The following POTEI variants were observed in gnomAD, a reference collection of about 807,000 sequenced individuals.
The protein encoded by POTEI is POTE ankyrin domain family, member I.
POTEI carries 14 observed loss-of-function variants against 43.4 expected under a neutral mutation model. The observed-to-expected ratio is 0.32, with a 90% confidence interval of 0.21 to 0.50. POTEI has a LOEUF of 0.50. POTEI is among the 20% of genes least tolerant of loss of function. The pLI is 0.98. For synonymous variants in POTEI, 95 were observed against 297.9 expected, an observed-to-expected ratio of 0.32 and a Z score of 7.01; for missense variants, 235 against 795.4, an observed-to-expected ratio of 0.30 and a Z score of 8.47.
At chr2:130,479,951 G>T (rs1324729958) in intron 10 of POTEI, among the ~76,000 whole-genome samples, 3 of 35,406 alleles carry the variant, frequency 8.5e-5, no homozygotes, top group Non-Finnish European at 1.6e-4. Context: ...CCCAGTGCCT[G>T]GTTTGGGAAT....
At chr2:130,493,091 GA>G (rs1263044824) in intron 6 of POTEI, among the ~76,000 whole-genome samples, 645 of 104,772 alleles carry the variant, frequency 6.2e-3, no homozygotes, top group African/African-American at 0.019. Flanking sequence ...TGCAAGCGGG[GA>G]AAAAATCAAA....
intron 11 of POTEI, among the ~76,000 whole-genome samples, chr2:130,476,405 C>G: frequency 2.7e-5 from 1 of 36,484 alleles, no homozygotes; most frequent in Non-Finnish European, 5.0e-5. Context: ...ACCATGTTAG[C>G]CAGGATGGTC....
In POTEI at chr2:130,461,545, G is replaced by A. The variant is rs982575825; in HGVS notation, c.*1271C>T. 1.3e-5 allele frequency: 2 copies of A among 152,240 alleles called. No individual in the cohort carries two copies. Among genetic ancestry groups the A allele is most frequent in the Non-Finnish European group, 2.9e-5 (2 of 68,054 alleles). The allele number at this position is 152,240 out of a possible 1,614,324, so 9.4% of individuals were successfully genotyped here. On this transcript the variant is annotated 3_prime_UTR_variant, in exon 15 of 15. Transcript: ENST00000451531. ...AGCTTGGGCTCTCCAAAGCCCGCAG[G>A]CCAGAATGGCTAGTCACCGAAAGAG...
rs185369604 is a variant in POTEI at position 130,478,880 on chromosome 2, G to T, written c.1481-2179C>A. Among the ~76,000 whole-genome samples, 19 of 36,446 alleles carry T rather than the reference G, an allele frequency of 5.2e-4. No homozygotes were observed. The East Asian group carries it at 0.12, about 232-fold the overall frequency. 23.9% of individuals were successfully genotyped at this position (36,446 alleles called of 152,430 possible). On this transcript the variant is annotated intron_variant, in intron 10 of 14. Coordinates refer to ENST00000451531, the MANE Select transcript of POTEI (RefSeq NM_001277406.2). ...TGGATCTTTGACAAGTCTTATTACT[G>T]AGAATCAAACTAGTAGGATGTGAGT...
chr2:130,479,165 C>T (rs1464508177), intron 10 of POTEI, among the ~76,000 whole-genome samples: 1 of 143,890 alleles, frequency 6.9e-6, no homozygotes, highest in East Asian at 2.1e-4. Flanking sequence ...GACTATACCT[C>T]TCTTCTGCCT....
chr2:130,497,735 T>G (rs1398803945), intron 5 of POTEI: 1 of 48,828 alleles, frequency 2.0e-5, no homozygotes, highest in South Asian at 2.1e-3. Context: ...GACCTTCCAG[T>G]GACTGCACAA....
rs1195598014 is a variant in POTEI at position 130,463,609 on chromosome 2, G to T, written c.2435C>A (p.Pro812His). 1.2e-6 allele frequency: 2 copies of T among 1,605,692 alleles called. No individual in the cohort carries two copies. The highest frequency in any genetic ancestry group is 8.5e-7 in the Non-Finnish European group (1 of 1,179,098). Residue 812 changes from proline (P) to histidine (H), a missense_variant, in exon 15 of 15, where the codon CCC (proline) becomes CAC (histidine). Pro to His is a moderately conservative substitution (Grantham distance 77, BLOSUM62 -2). Coordinates refer to ENST00000451531, the MANE Select transcript of POTEI (RefSeq NM_001277406.2). ...GGTCATCTTCTCGCGGTTGGCCTTG[G>T]GGTTCAGGGGGGCCTCGGTCAGCAG... ...PILLTEAPLN[P>H]KANREKMTQI...
At chr2:130,479,163 C>T (rs1427105593) in intron 10 of POTEI, among the ~76,000 whole-genome samples, 1 of 143,090 alleles carries the variant, frequency 7.0e-6, no homozygotes, top group Non-Finnish European at 1.5e-5. Context: ...TTGACTATAC[C>T]TCTCTTCTGC....
intron 9 of POTEI, among the ~76,000 whole-genome samples, chr2:130,482,753 A>G (rs958587130): frequency 2.7e-5 from 4 of 147,140 alleles, no homozygotes; most frequent in Admixed American, 6.8e-5. Context: ...TCATTAAAGT[A>G]GATAATGTGA....
In POTEI at chr2:130,481,801, T is replaced by G. The variant is rs1573922521; in HGVS notation, c.1480+202A>C. Among the ~76,000 whole-genome samples, 2 of 4,296 alleles carry G rather than the reference T, an allele frequency of 4.7e-4. 1 individual carries two copies. The highest frequency in any genetic ancestry group is 5.0e-4 in the African/African-American group (2 of 3,990). The allele number at this position is 4,296 out of a possible 152,430, so 2.8% of individuals were successfully genotyped here. ...AGCTTCCACTGATTCTACATTATGG[T>G]AAGTCGTATAATTATTTTATTATAT... On this transcript the variant is annotated intron_variant, in intron 10 of 14. Transcript: ENST00000451531.
Position 130,461,848 on chromosome 2 carries a change from C to A in POTEI, c.*968G>T, listed in dbSNP as rs1374154265. On this transcript the variant is annotated 3_prime_UTR_variant, in exon 15 of 15. Coordinates refer to ENST00000451531, the MANE Select transcript of POTEI (RefSeq NM_001277406.2). ...TAAGTTGCCTGAACGGGAAAGATGG[C>A]GGCCTGCCCCGTCTTTTCTCTCAGA... 1 of 151,830 alleles carries A rather than the reference C, an allele frequency of 6.6e-6. No individual in the cohort carries two copies. Among genetic ancestry groups the A allele is most frequent in the Non-Finnish European group, 1.5e-5 (1 of 67,984 alleles). The allele number at this position is 151,830 out of a possible 1,614,324, so 9.4% of individuals were successfully genotyped here.
At chr2:130,496,906 T>A (rs1251598039) in intron 5 of POTEI, among the ~76,000 whole-genome samples, 1 of 67,796 alleles carries the variant, frequency 1.5e-5, no homozygotes, top group African/African-American at 3.9e-5. Context: ...TCTGCATAAG[T>A]CCTAGCTCCA....
In POTEI at chr2:130,509,008, G is replaced by A; in HGVS notation, c.228C>T (p.Gly76=). The A allele has an allele frequency of 1.3e-6, 2 of 1,518,562 alleles. No homozygotes were observed. Among genetic ancestry groups the A allele is most frequent in the African/African-American group, 1.4e-5 (1 of 70,000 alleles). 94.1% of individuals were successfully genotyped at this position (1,518,562 alleles called of 1,614,324 possible). Residue 76 remains glycine, a synonymous_variant, in exon 1 of 15, where the codon GGC becomes GGT. Transcript: ENST00000451531. ...CTCCAGAAGTGCCCACGTTGCTCTT[G>A]CCACTCCCCCTGCAGCAGGGGAAGC... The part of the protein sequence containing the change: ...CHCFPCCRGS[G]KSNVGTSGDH...
Position 130,460,279 on chromosome 2 carries a change from AGAG to A in POTEI, c.*2534_*2536del, listed in dbSNP as rs1682582475. ...GCCCAGCCTCCAGAGATCAGGTCTC[AGAG>A]GAGAACTCTCTCAAAAGTGAACCCC... On this transcript the variant is annotated 3_prime_UTR_variant, in exon 15 of 15. Transcript: ENST00000451531. The A allele has an allele frequency of 1.3e-5, 2 of 151,862 alleles. No homozygotes were observed. Among genetic ancestry groups the A allele is most frequent in the Non-Finnish European group, 2.9e-5 (2 of 68,034 alleles). The allele number at this position is 151,862 out of a possible 1,614,324, so 9.4% of individuals were successfully genotyped here.
chr2:130,477,306 A>G (rs1242251930), intron 10 of POTEI, among the ~76,000 whole-genome samples: 1 of 145,328 alleles, frequency 6.9e-6, no homozygotes, highest in Non-Finnish European at 1.5e-5. Flanking sequence ...GGCAAGCACC[A>G]CCACACCCAG....
At chr2:130,483,810 T>C (rs1403726720) in intron 9 of POTEI, among the ~76,000 whole-genome samples, 2 of 150,370 alleles carry the variant, frequency 1.3e-5, no homozygotes, top group Admixed American at 6.6e-5. Flanking sequence ...CTCGATCTCC[T>C]GACCTCGTGA....
intron 1 of POTEI, among the ~76,000 whole-genome samples, chr2:130,505,105 T>C (rs544565213): frequency 3.3e-4 from 49 of 150,104 alleles, no homozygotes; most frequent in African/African-American, 1.2e-3. Context: ...GTGTGTTCCT[T>C]CCCTCTAGGT....
chr2:130,469,139 C>CAA (rs71250888), intron 13 of POTEI, among the ~76,000 whole-genome samples: 12,576 of 108,800 alleles, frequency 0.12, 197 homozygotes, highest in East Asian at 0.18. Context: ...GATGATGTAT[C>CAA]AAAAAAAAAA....
intron 9 of POTEI, among the ~76,000 whole-genome samples, chr2:130,486,973 C>T (rs1683596275): frequency 1.1e-5 from 1 of 89,550 alleles, no homozygotes; most frequent in African/African-American, 3.6e-5. Context: ...TCCAATATTT[C>T]AGCACTCAGG....
Sources: gnomAD v4.1 joint callset for allele counts (sites outside exome capture counted in the v4.1 genomes callset) on GRCh38, gnomAD v4.1.1 for gene constraint, MANE v1.5 for transcripts, NCBI Gene and HGNC (gene_info 2026-07-23, HGNC 2026-07-21) for gene names.